Variants in PACS2 observed in about 807,000 individuals in gnomAD.
PACS2 encodes phosphofurin acidic cluster sorting protein 2.
Under a neutral mutation model 113.0 loss-of-function variants are expected in PACS2, and 36 were observed. The ratio of observed to expected loss-of-function variants is 0.32; its 90% CI spans 0.24 to 0.42. The LOEUF is 0.42. PACS2 is among the 10% of genes least tolerant of loss of function. The probability of loss-of-function intolerance (pLI) is 1.00; values close to 1 mark genes in which losing one functional copy is unlikely to be tolerated. For synonymous variants in PACS2, 589 were observed against 536.1 expected (o/e 1.10, Z -1.36); for missense variants, 1,015 against 1,239.5 (o/e 0.82, Z 2.72).
intron 1 of PACS2, among the ~76,000 whole-genome samples, chr14:105,331,142 A>C (rs139205137): frequency 2.0e-5 from 3 of 151,906 alleles, no homozygotes; most frequent in Non-Finnish European, 2.9e-5. Context: ...TTTAGTAGAG[A>C]CGGGGTTTCA....
intron 19 of PACS2, chr14:105,389,714 C>T (rs1436058624): frequency 5.3e-6 from 3 of 568,004 alleles, no homozygotes; most frequent in Non-Finnish European, 9.5e-6. Flanking sequence ...CACAGAGACC[C>T]CTTTGTCCTT....
Position 105,315,094 on chromosome 14 carries a change from C to A in PACS2, c.119+57C>A. On this transcript the variant is annotated intron_variant, in intron 1 of 24. Coordinates refer to ENST00000447393, the MANE Select transcript of PACS2 (RefSeq NM_001100913.3). This position sits in a 1 kb window ranked among gnomAD's most constrained non-coding sequence, Gnocchi z 4.4. ...CGGGCACCTGCTGGGGGTGTCCTGG[C>A]CGCGGCCTCTGCGCGCCCCATCCCC... 1 of 1,032,574 alleles carries A rather than the reference C, an allele frequency of 9.7e-7. No homozygotes were observed. Among genetic ancestry groups the A allele is most frequent in the Non-Finnish European group, 1.2e-6 (1 of 852,316 alleles). 64.0% of individuals were successfully genotyped at this position (1,032,574 alleles called of 1,614,324 possible). A position where few individuals can be genotyped will look rare whatever the true frequency, so the allele number is the denominator to read the frequency against.
intron 19 of PACS2, 23 bp downstream of exon 19, chr14:105,385,740 C>G (rs1369392111): frequency 1.0e-5 from 15 of 1,460,128 alleles, no homozygotes; most frequent in Middle Eastern, 1.7e-4. Context: ...GGGTCTGCCT[C>G]CCACCCTGTC....
At chr14:105,367,638 T>C (rs915812021) in intron 5 of PACS2, among the ~76,000 whole-genome samples, 1 of 152,142 alleles carries the variant, frequency 6.6e-6, no homozygotes, top group African/African-American at 2.4e-5. Flanking sequence ...AAAAAGGAGG[T>C]GTGGGGTCGC....
chr14:105,341,364 T>G (rs587613712), intron 1 of PACS2, among the ~76,000 whole-genome samples: 1 of 152,234 alleles, frequency 6.6e-6, no homozygotes, highest in Admixed American at 6.5e-5. Flanking sequence ...ACTGTGGGTA[T>G]TCAGCAAGTT....
Position 105,323,618 on chromosome 14 carries a change from G to A in PACS2, c.119+8581G>A, listed in dbSNP as rs2058980011. Among the ~76,000 whole-genome samples, 1 of 152,234 alleles carries A rather than the reference G, an allele frequency of 6.6e-6. No individual in the cohort carries two copies. The highest frequency in any genetic ancestry group is 2.1e-4 in the South Asian group (1 of 4,838). ...GGACTATTTCAAGTGTGTGTATTTG[G>A]GAGAGCAGTGCTGCTGGAGTGGTGG... On this transcript the variant is annotated intron_variant, in intron 1 of 24. Transcript: ENST00000447393. This position sits in a 1 kb window ranked among gnomAD's most constrained non-coding sequence, Gnocchi z 4.1.
At chr14:105,316,149 T>C (rs2058612914) in intron 1 of PACS2, among the ~76,000 whole-genome samples, 1 of 152,158 alleles carries the variant, frequency 6.6e-6, no homozygotes, top group African/African-American at 2.4e-5. Flanking sequence ...ACCTCGGGGC[T>C]TTGGTTTTGC....
chr14:105,334,909 G>A (rs1224853325), intron 1 of PACS2, among the ~76,000 whole-genome samples: 1 of 152,258 alleles, frequency 6.6e-6, no homozygotes, highest in Non-Finnish European at 1.5e-5. Flanking sequence ...AACAGAGCTG[G>A]GAGGGGCTCC....
chr14:105,364,508 C>T (rs1367865414), intron 4 of PACS2, among the ~76,000 whole-genome samples: 1 of 147,332 alleles, frequency 6.8e-6, no homozygotes, highest in Non-Finnish European at 1.5e-5. Context: ...GCGCGGTGGG[C>T]GGTGGCCTGG....
chr14:105,377,107 C>T (rs953293300), intron 9 of PACS2, among the ~76,000 whole-genome samples, 182 bp downstream of exon 9: 1 of 152,204 alleles, frequency 6.6e-6, no homozygotes, highest in Non-Finnish European at 1.5e-5. Flanking sequence ...CAGGCCCAGG[C>T]TACGGCTGCA....
chr14:105,361,323 G>A (rs2060668900), intron 4 of PACS2, among the ~76,000 whole-genome samples: 1 of 152,078 alleles, frequency 6.6e-6, no homozygotes, highest in African/African-American at 2.4e-5. Flanking sequence ...GTGAAACGCT[G>A]TCTCTGCTAA....
chr14:105,388,508 C>T (rs1051990621), intron 19 of PACS2: 4 of 152,614 alleles, frequency 2.6e-5, no homozygotes, highest in Non-Finnish European at 5.9e-5. Flanking sequence ...TGGCATCCTC[C>T]GCTGGGCCTG....
intron 1 of PACS2, among the ~76,000 whole-genome samples, chr14:105,327,683 G>T (rs1431049949): frequency 6.6e-6 from 1 of 152,234 alleles, no homozygotes; most frequent in Non-Finnish European, 1.5e-5. Context: ...ACTCTGGTGG[G>T]CTATCGAAGG....
At chr14:105,361,389 C>A (rs2060672423) in intron 4 of PACS2, among the ~76,000 whole-genome samples, 1 of 152,268 alleles carries the variant, frequency 6.6e-6, no homozygotes, top group Non-Finnish European at 1.5e-5. Context: ...GTAATCCCAG[C>A]ACTTTGGCAG....
chr14:105,379,600 G>T, intron 9 of PACS2, 139 bp from the exon 10 acceptor site: 2 of 680,094 alleles, frequency 2.9e-6, no homozygotes, highest in East Asian at 2.7e-5. Flanking sequence ...GCGCTGACAC[G>T]GGCTCTTCTC....
chr14:105,361,914 A>G (rs587754128), intron 4 of PACS2, among the ~76,000 whole-genome samples: 17 of 152,098 alleles, frequency 1.1e-4, no homozygotes, highest in Non-Finnish European at 1.6e-4. Context: ...ACGACATTGC[A>G]CTCCAGCCTG....
chr14:105,366,927 T>G lies in PACS2; in HGVS notation c.424-286T>G, dbSNP rs1480842056. Among the ~76,000 whole-genome samples the G allele has an allele frequency of 6.6e-6, 1 of 152,160 alleles. No homozygotes were observed. The highest frequency in any genetic ancestry group is 1.5e-5 in the Non-Finnish European group (1 of 68,020). On this transcript the variant is annotated intron_variant, in intron 4 of 24. Coordinates refer to ENST00000447393, the MANE Select transcript of PACS2 (RefSeq NM_001100913.3). This position sits in a 1 kb window ranked among gnomAD's most constrained non-coding sequence, Gnocchi z 4.3. ...CGTGACTGTGCCTGGCACTGGCCTC[T>G]CCAGCACAGCCCAGTGCCCTCTGCT...
chr14:105,385,083 C>A, intron 18 of PACS2, 96 bp downstream of exon 18: 1 of 802,734 alleles, frequency 1.2e-6, no homozygotes, highest in South Asian at 1.5e-5. Flanking sequence ...GCCTGGTGGG[C>A]CGCAGAGCCC....
chr14:105,384,470 C>T lies in PACS2; in HGVS notation c.1891+7C>T, dbSNP rs782101334. 15 of 1,584,308 alleles carry T rather than the reference C, an allele frequency of 9.5e-6. No homozygotes were observed. The South Asian group carries it at 1.6e-4, about 16-fold the overall frequency. ...CTGGAGGCCCAGAGTGCGGGTGAGGCCCGGGCGCGTCCACAGCCCACGCCA... is the reference window on the plus strand; with the variant it reads ...CTGGAGGCCCAGAGTGCGGGTGAGGTCCGGGCGCGTCCACAGCCCACGCCA... On this transcript the variant is annotated splice_region_variant and intron_variant, in intron 17 of 24. Transcript: ENST00000447393.
Sources: allele counts gnomAD v4.1 joint callset (sites outside exome capture counted in the v4.1 genomes callset), GRCh38; gene constraint gnomAD v4.1.1; non-coding constraint Gnocchi (gnomAD v3.1); transcripts MANE v1.5; gene names NCBI Gene and HGNC (gene_info 2026-07-23, HGNC 2026-07-21).